Variants in SHANK2 observed in about 807,000 individuals in gnomAD.
SHANK2 encodes the protein SH3 and multiple ankyrin repeat domains 2, also known as SH3 and multiple ankyrin repeat domains protein 2.
SHANK2 carries 43 observed loss-of-function variants against 133.7 expected under a neutral mutation model. The ratio of observed to expected loss-of-function variants is 0.32; its 90% CI spans 0.25 to 0.41. The LOEUF (loss-of-function observed/expected upper bound fraction) is 0.41. SHANK2 is among the 10% of genes least tolerant of loss of function. SHANK2 has a pLI of 1.00. For synonymous variants in SHANK2, 1,017 were observed against 952.8 expected (o/e 1.07, Z -1.24); for missense variants, 1,994 against 2,235.8 (o/e 0.89, Z 2.18).
At chr11:71,144,368 T>C (rs1272500108) in intron 3 of SHANK2, among the ~76,000 whole-genome samples, 1 of 152,188 alleles carries the variant, frequency 6.6e-6, no homozygotes, top group African/African-American at 2.4e-5. Context: ...ATGGATGCAC[T>C]TTACAAGTTC....
intron 17 of SHANK2, among the ~76,000 whole-genome samples, chr11:70,571,816 T>G (rs2060049132): frequency 5.6e-5 from 8 of 143,754 alleles, no homozygotes; most frequent in Non-Finnish European, 7.7e-5. Context: ...CAAGGAGGAG[T>G]GGAGACGAGG....
At chr11:70,941,360 G>A (rs781974869) in intron 10 of SHANK2, among the ~76,000 whole-genome samples, 31 of 152,238 alleles carry the variant, frequency 2.0e-4, no homozygotes, top group Admixed American at 5.9e-4. Flanking sequence ...CAGGCCGTGT[G>A]TTGAAAGCAA....
intron 2 of SHANK2, among the ~76,000 whole-genome samples, chr11:71,149,121 G>A (rs1402447836): frequency 6.6e-6 from 1 of 152,290 alleles, no homozygotes; most frequent in African/African-American, 2.4e-5. Context: ...AGGAAGGAGG[G>A]CAGGAGTGCA....
intron 17 of SHANK2, among the ~76,000 whole-genome samples, chr11:70,563,104 C>T (rs1321988343): frequency 6.6e-6 from 1 of 152,126 alleles, no homozygotes; most frequent in Non-Finnish European, 1.5e-5. Context: ...CTCTTGATCT[C>T]GTGATCCGCC....
intron 2 of SHANK2, among the ~76,000 whole-genome samples, chr11:71,180,646 C>T (rs893847323): frequency 3.9e-5 from 6 of 151,996 alleles, no homozygotes; most frequent in Non-Finnish European, 7.4e-5. Context: ...TTGGCGGGGG[C>T]GGCGGGAATG....
At chr11:70,475,544 C>T (rs1555149949) in intron 25 of SHANK2, among the ~76,000 whole-genome samples, 1 of 152,162 alleles carries the variant, frequency 6.6e-6, no homozygotes, top group African/African-American at 2.4e-5. Context: ...TTCCCCTAAG[C>T]TGTGGGTCAG....
intron 14 of SHANK2, among the ~76,000 whole-genome samples, chr11:70,768,701 G>C (rs1947178259): frequency 6.6e-6 from 1 of 152,222 alleles, no homozygotes; most frequent in Non-Finnish European, 1.5e-5. Flanking sequence ...CCCTCATCAG[G>C]AGAAACAAGG....
At chr11:70,667,854 CAGATGGCTTTACTCAT>C (rs58684015) in intron 15 of SHANK2, 2,550 of 152,282 alleles carry the variant, frequency 0.017, 30 homozygotes, top group Non-Finnish European at 0.027. Context: ...TGGGGTAGAC[CAGATGGCTTTACTCAT>C]AGCTCTCAGG....
intron 17 of SHANK2, among the ~76,000 whole-genome samples, chr11:70,548,882 T>C (rs1391534640): frequency 1.3e-5 from 2 of 152,114 alleles, no homozygotes; most frequent in African/African-American, 4.8e-5. Flanking sequence ...TGAACACTGA[T>C]GCAGAGATGG....
At chr11:70,821,157 G>T (rs1948513254) in intron 11 of SHANK2, among the ~76,000 whole-genome samples, 1 of 152,180 alleles carries the variant, frequency 6.6e-6, no homozygotes, top group East Asian at 1.9e-4. Context: ...TTTTCAAAAT[G>T]TGCCAATATT....
intron 10 of SHANK2, among the ~76,000 whole-genome samples, chr11:70,922,668 C>G (rs999068423): frequency 2.0e-5 from 3 of 152,090 alleles, no homozygotes; most frequent in Admixed American, 1.3e-4. Flanking sequence ...TCAAAGCAGG[C>G]ATTCTATCAC....
At chr11:70,475,261 G>T (rs2058648222) in intron 25 of SHANK2, 1 of 152,210 alleles carries the variant, frequency 6.6e-6, no homozygotes, top group Non-Finnish European at 1.5e-5. Context: ...GTGGAAGCAG[G>T]AGTGCTGTGC....
At chr11:71,074,104 T>G (rs2135979761) in intron 9 of SHANK2, among the ~76,000 whole-genome samples, 1 of 152,336 alleles carries the variant, frequency 6.6e-6, no homozygotes, top group South Asian at 2.1e-4. Flanking sequence ...CCTGGGGCTC[T>G]GTTTCCTCCC....
intron 10 of SHANK2, among the ~76,000 whole-genome samples, chr11:70,948,067 C>G (rs2073086897): frequency 6.6e-6 from 1 of 151,946 alleles, no homozygotes; most frequent in Non-Finnish European, 1.5e-5. Context: ...ACGTGTCAGC[C>G]CCACTCTTTG....
At chr11:70,589,402 A>C (rs2060293753) in intron 17 of SHANK2, among the ~76,000 whole-genome samples, 1 of 152,202 alleles carries the variant, frequency 6.6e-6, no homozygotes, top group Non-Finnish European at 1.5e-5. Flanking sequence ...TGAATATTTT[A>C]AGCCCATTGT....
intron 9 of SHANK2, among the ~76,000 whole-genome samples, chr11:71,061,471 T>C (rs1950985268): frequency 6.6e-6 from 1 of 152,226 alleles, no homozygotes; most frequent in African/African-American, 2.4e-5. Flanking sequence ...GCTTCAGCAC[T>C]GAGAGAGCGG....
At chr11:70,691,772 T>C (rs1207345932) in intron 15 of SHANK2, among the ~76,000 whole-genome samples, 1 of 151,968 alleles carries the variant, frequency 6.6e-6, no homozygotes, top group Admixed American at 6.6e-5. Context: ...CACATGCCTG[T>C]AATTCCAGCT....
intron 1 of SHANK2, among the ~76,000 whole-genome samples, chr11:71,230,030 G>A (rs1291167320): frequency 6.6e-6 from 1 of 152,168 alleles, no homozygotes; most frequent in South Asian, 2.1e-4. Flanking sequence ...ATATGGACAA[G>A]ATTATTCAGC....
chr11:70,564,842 T>A (rs868988976), intron 17 of SHANK2, among the ~76,000 whole-genome samples: 7 of 152,354 alleles, frequency 4.6e-5, no homozygotes, highest in Middle Eastern at 3.4e-3. Context: ...TGGGTTAAAA[T>A]GTAAAGAACT....
Sources: gnomAD v4.1 joint callset for allele counts (sites outside exome capture counted in the v4.1 genomes callset) on GRCh38, gnomAD v4.1.1 for gene constraint, MANE v1.5 for transcripts, NCBI Gene and HGNC (gene_info 2026-07-23, HGNC 2026-07-21) for gene names.